LUZP2: variants seen among roughly 807,000 people sequenced by gnomAD.
The protein encoded by LUZP2 is leucine zipper protein 2.
LUZP2 carries 52 observed loss-of-function variants against 51.6 expected under a neutral mutation model. The ratio of observed to expected loss-of-function variants is 1.01; its 90% confidence interval spans 0.81 to 1.27. The LOEUF is 1.27. Among genes scored for constraint, LUZP2 ranks in the 50% most tolerant of loss-of-function variants. The pLI is 0.00. For missense variants in LUZP2, 436 were observed against 395.4 expected (o/e 1.10, Z -0.87); for synonymous variants, 154 against 137.3 (o/e 1.12, Z -0.85).
intron 1 of LUZP2, among the ~76,000 whole-genome samples, chr11:24,575,374 A>G (rs1421124480): frequency 6.6e-6 from 1 of 152,160 alleles, no homozygotes; most frequent in Non-Finnish European, 1.5e-5. Context: ...GTTAGAGAAC[A>G]TTATTTGATC....
At chr11:25,040,746 G>A (rs555667943) in intron 9 of LUZP2, among the ~76,000 whole-genome samples, 5 of 152,254 alleles carry the variant, frequency 3.3e-5, no homozygotes, top group South Asian at 2.1e-4. Flanking sequence ...AAGGGGCATT[G>A]TCTTTGCCTT....
intron 5 of LUZP2, among the ~76,000 whole-genome samples, chr11:24,872,876 TG>T (rs1185378193): frequency 6.6e-6 from 1 of 152,170 alleles, no homozygotes; most frequent in Admixed American, 6.6e-5. Context: ...GATATGCCCA[TG>T]GTGACAGCTT....
chr11:24,794,475 G>T (rs893363099), intron 5 of LUZP2, among the ~76,000 whole-genome samples: 2 of 152,080 alleles, frequency 1.3e-5, no homozygotes, highest in Non-Finnish European at 2.9e-5. Context: ...GGCGAATCAA[G>T]AGATATAGCA....
chr11:24,796,383 CGTT>C (rs1564903930), intron 5 of LUZP2, among the ~76,000 whole-genome samples: 1 of 151,944 alleles, frequency 6.6e-6, no homozygotes, highest in Non-Finnish European at 1.5e-5. Flanking sequence ...AGAGGTGTAA[CGTT>C]ATTATTAACC....
chr11:24,897,476 T>G (rs1160147443), intron 5 of LUZP2, among the ~76,000 whole-genome samples: 1 of 151,904 alleles, frequency 6.6e-6, no homozygotes, highest in African/African-American at 2.4e-5. Flanking sequence ...CCGGGAGGAA[T>G]GAACAACTCT....
At chr11:24,764,490 T>TAAAAAAAAAAAA (rs869045272) in intron 5 of LUZP2, among the ~76,000 whole-genome samples, 5 of 94,056 alleles carry the variant, frequency 5.3e-5, no homozygotes, top group Admixed American at 1.3e-4. Context: ...ATCTCATCTC[T>TAAAAAAAAAAAA]AAAAAAAAAA....
chr11:24,504,209 A>T (rs1220703978), intron 1 of LUZP2, among the ~76,000 whole-genome samples: 1 of 152,182 alleles, frequency 6.6e-6, no homozygotes, highest in Non-Finnish European at 1.5e-5. Flanking sequence ...TGCTGATATA[A>T]ATCTCACTTG....
At chr11:24,811,049 T>C (rs2134135921) in intron 5 of LUZP2, among the ~76,000 whole-genome samples, 1 of 152,292 alleles carries the variant, frequency 6.6e-6, no homozygotes, top group Middle Eastern at 3.4e-3. Context: ...AGAAATAAAC[T>C]TGGGCCTCAG....
chr11:24,766,869 C>G lies in LUZP2; in HGVS notation c.396+3561C>G, dbSNP rs116766806. ...CTCCACCTCTTGGGTTCAAGTGATA[C>G]CCCTGGCTCAGCCTCCTGAGTAGCT... is the stretch of plus-strand genomic sequence containing the variant. On this transcript the variant is annotated intron_variant, in intron 5 of 11. Coordinates refer to ENST00000336930, the MANE Select transcript of LUZP2 (RefSeq NM_001009909.4). Among the ~76,000 whole-genome samples, 314 of 152,242 alleles carry G rather than the reference C, an allele frequency of 2.1e-3. 2 individuals are homozygous for G. Among genetic ancestry groups the G allele is most frequent in the African/African-American group, 7.3e-3 (305 of 41,530 alleles).
At chr11:24,626,197 C>T (rs984569738) in intron 1 of LUZP2, among the ~76,000 whole-genome samples, 8 of 152,052 alleles carry the variant, frequency 5.3e-5, no homozygotes, top group Non-Finnish European at 8.8e-5. Flanking sequence ...TGTCTTCTTC[C>T]AGTGAGAAAA....
chr11:24,566,116 G>C (rs1389269508), intron 1 of LUZP2, among the ~76,000 whole-genome samples: 1 of 151,430 alleles, frequency 6.6e-6, no homozygotes, highest in Admixed American at 6.6e-5. Context: ...AAATAAAGCA[G>C]GCAACAGAAA....
At chr11:25,029,825 A>G (rs1351358279) in intron 9 of LUZP2, among the ~76,000 whole-genome samples, 1 of 151,944 alleles carries the variant, frequency 6.6e-6, no homozygotes, top group East Asian at 1.9e-4. Flanking sequence ...CTTTACATAT[A>G]CACATTTTTA....
chr11:24,877,219 T>G (rs914251913), intron 5 of LUZP2, among the ~76,000 whole-genome samples: 5 of 152,164 alleles, frequency 3.3e-5, no homozygotes, highest in Non-Finnish European at 7.4e-5. Context: ...TAAATATGCC[T>G]GAAAATTGTC....
intron 7 of LUZP2, among the ~76,000 whole-genome samples, chr11:24,966,257 T>C (rs1010690078): frequency 6.6e-6 from 1 of 151,704 alleles, no homozygotes; most frequent in African/African-American, 2.4e-5. Flanking sequence ...ATTTAACTTT[T>C]CTTAATGGTT....
chr11:24,683,423 AT>A (rs1856806961), intron 1 of LUZP2, among the ~76,000 whole-genome samples: 1 of 152,150 alleles, frequency 6.6e-6, no homozygotes. Context: ...TAATCTGACA[AT>A]TTACTGAAAA....
chr11:24,525,031 G>T (rs1850755856), intron 1 of LUZP2, among the ~76,000 whole-genome samples: 1 of 151,526 alleles, frequency 6.6e-6, no homozygotes, highest in Admixed American at 6.6e-5. Context: ...GCCACTAATG[G>T]ATTTCTTTTT....
chr11:24,988,691 T>A (rs1856251765), intron 9 of LUZP2, among the ~76,000 whole-genome samples: 1 of 152,058 alleles, frequency 6.6e-6, no homozygotes, highest in South Asian at 2.1e-4. Flanking sequence ...CTGATAAGCA[T>A]CAGTATGACC....
At chr11:24,607,341 C>CTTTTTTTTTTTTTTTTTTTTTTT (rs57741208) in intron 1 of LUZP2, among the ~76,000 whole-genome samples, 2 of 63,416 alleles carry the variant, frequency 3.2e-5, no homozygotes, top group African/African-American at 1.1e-4. Context: ...GATATTATGT[C>CTTTTTTTTTTTTTTTTTTTTTTT]TTTTTTTTTT....
At chr11:25,064,218 C>T (rs1191329162) in intron 10 of LUZP2, among the ~76,000 whole-genome samples, 1 of 151,938 alleles carries the variant, frequency 6.6e-6, no homozygotes, top group South Asian at 2.1e-4. Flanking sequence ...ACATATTATA[C>T]AATTATTATT....
Sources: allele counts gnomAD v4.1 joint callset (sites outside exome capture counted in the v4.1 genomes callset), GRCh38; gene constraint gnomAD v4.1.1; transcripts MANE v1.5; gene names NCBI Gene and HGNC (gene_info 2026-07-23, HGNC 2026-07-21).